GLRB: variants seen among roughly 807,000 people sequenced by gnomAD.
GLRB encodes glycine receptor subunit beta.
A neutral mutation model predicts 54.2 loss-of-function variants in GLRB; 33 were observed. The observed-to-expected ratio is 0.61, with a 90% CI of 0.46 to 0.81. The LOEUF (loss-of-function observed/expected upper bound fraction) is 0.81. GLRB is among the 40% of genes least tolerant of loss of function. GLRB has a pLI of 0.00. For missense variants in GLRB, 572 were observed against 584.6 expected (o/e 0.98, Z 0.22); for synonymous variants, 209 against 208.2 (o/e 1.00, Z -0.03).
rs144873205 is a variant in GLRB, at chr4:157,078,144, A to G, written c.120A>G (p.Pro40=). 1.7e-5 allele frequency: 28 copies of G among 1,612,310 alleles called. No homozygotes were observed. The African/African-American group carries it at 3.3e-4, about 19-fold the overall frequency. The change falls in exon 2 of 10, where the codon CCA becomes CCG. Residue 40 remains proline (P), a splice_region_variant and synonymous_variant. Coordinates refer to ENST00000264428, the MANE Select transcript of GLRB (RefSeq NM_000824.5). ...GGAAAAAGAAGCAGTATCTATGCCCATCGTATGTTCTTCATGTCTTATATT... is the reference window on the plus strand; with the variant it reads ...GGAAAAAGAAGCAGTATCTATGCCCGTCGTATGTTCTTCATGTCTTATATT... ...GKGKKKQYLC[P]SQQSAEDLAR...
chr4:157,091,163 A>G (rs1425154856), intron 2 of GLRB, among the ~76,000 whole-genome samples: 1 of 152,184 alleles, frequency 6.6e-6, no homozygotes, highest in Non-Finnish European at 1.5e-5. Context: ...TGTAATTTTC[A>G]GGTAATGTTT....
intron 8 of GLRB, among the ~76,000 whole-genome samples, chr4:157,149,738 T>C (rs531259866): frequency 1.3e-5 from 2 of 152,232 alleles, no homozygotes; most frequent in Admixed American, 6.5e-5. Context: ...AGTTGGCATG[T>C]GTGCACTTGC....
rs58781142 is a variant in GLRB at position 157,149,193 on chromosome 4, G to A, written c.905-3525G>A. The stretch of plus-strand genomic sequence containing the variant: ...GTTCTAAAAGTTAGCAGACAACATA[G>A]AGCATAAAGTAATTACTTTAAATTG... On this transcript the variant is annotated intron_variant, in intron 8 of 9. Coordinates refer to ENST00000264428, the MANE Select transcript of GLRB (RefSeq NM_000824.5). 3.7e-3 allele frequency among the ~76,000 whole-genome samples: 556 copies of A among 152,104 alleles called. 5 individuals carry two copies. The highest frequency in any genetic ancestry group is 0.013 in the African/African-American group (527 of 41,522).
At chr4:157,127,965 T>C (rs1409539995) in intron 4 of GLRB, among the ~76,000 whole-genome samples, 1 of 151,904 alleles carries the variant, frequency 6.6e-6, no homozygotes, top group East Asian at 1.9e-4. Context: ...GTACATATGC[T>C]GATGAGCATT....
chr4:157,096,760 A>G lies in GLRB; in HGVS notation c.122+18614A>G, dbSNP rs76299425. Among the ~76,000 whole-genome samples, 244 of 152,338 alleles carry G rather than the reference A, an allele frequency of 1.6e-3. 5 individuals are homozygous for G. In the East Asian group the frequency reaches 0.042, roughly 26 times the overall value. On this transcript the variant is annotated intron_variant, in intron 2 of 9. Transcript: ENST00000264428. ...CTCTGTATTACAACTCATTTTACAC[A>G]TAAGATATTATATAAAGAGAAGCTG...
chr4:157,171,494 C>A lies in GLRB; in HGVS notation c.*766C>A, dbSNP rs959427321. On this transcript the variant is annotated 3_prime_UTR_variant, in exon 10 of 10. Coordinates refer to ENST00000264428, the MANE Select transcript of GLRB (RefSeq NM_000824.5). Reference sequence around the variant, plus strand: ...AACCTAAATGTATTTTCATGGATTTCATTTGTTGGTACATATTACACAAAA... The same window carrying A: ...AACCTAAATGTATTTTCATGGATTTAATTTGTTGGTACATATTACACAAAA... 1.3e-5 allele frequency: 2 copies of A among 152,202 alleles called. No individual in the cohort carries two copies. The highest frequency in any genetic ancestry group is 4.8e-5 in the African/African-American group (2 of 41,408). 9.4% of individuals were successfully genotyped at this position (152,202 alleles called of 1,614,324 possible). A position where few individuals can be genotyped will look rare whatever the true frequency, so the allele number is the denominator to read the frequency against.
intron 2 of GLRB, among the ~76,000 whole-genome samples, chr4:157,120,318 G>A (rs930554983): frequency 4.7e-5 from 7 of 150,012 alleles, no homozygotes; most frequent in Non-Finnish European, 1.0e-4. Context: ...CACCAGCATG[G>A]CACATGTATA....
At position 157,136,519 on chromosome 4, in the gene GLRB, G is replaced by A; in HGVS notation, c.348G>A (p.Leu116=). 1.2e-6 allele frequency: 2 copies of A among 1,613,234 alleles called. No homozygotes were observed. The highest frequency in any genetic ancestry group is 1.3e-5 in the African/African-American group (1 of 75,032). ...FLRQKWNDPR[L]KLPSDFRGSD... Reference sequence around the variant, plus strand: ...GACAAAAATGGAATGACCCCAGGCTGAAGCTCCCCAGTGATTTTAGGGGTT... The same window carrying A: ...GACAAAAATGGAATGACCCCAGGCTAAAGCTCCCCAGTGATTTTAGGGGTT... Residue 116 remains leucine (L), a synonymous_variant, in exon 5 of 10, where the codon CTG becomes CTA. Coordinates refer to ENST00000264428, the MANE Select transcript of GLRB (RefSeq NM_000824.5).
At chr4:157,128,497 G>T (rs1398165207) in intron 4 of GLRB, among the ~76,000 whole-genome samples, 1 of 151,816 alleles carries the variant, frequency 6.6e-6, no homozygotes, top group Non-Finnish European at 1.5e-5. Flanking sequence ...GAACTGAACT[G>T]TCAACATGAT....
intron 4 of GLRB, among the ~76,000 whole-genome samples, chr4:157,123,854 G>C (rs1444992239): frequency 6.6e-6 from 1 of 151,658 alleles, no homozygotes; most frequent in East Asian, 1.9e-4. Context: ...GCGTCTTATA[G>C]GAAACATCCC....
intron 7 of GLRB, among the ~76,000 whole-genome samples, chr4:157,142,150 A>G (rs556974156): frequency 2.0e-5 from 3 of 152,150 alleles, no homozygotes; most frequent in African/African-American, 7.2e-5. Context: ...TATTTTTGAA[A>G]TATTGCACAT....
At chr4:157,090,664 T>C (rs1334836700) in intron 2 of GLRB, among the ~76,000 whole-genome samples, 5 of 152,236 alleles carry the variant, frequency 3.3e-5, no homozygotes, top group Non-Finnish European at 7.3e-5. Context: ...TCAACTAGTC[T>C]GTCTTGCACT....
chr4:157,168,966 C>T (rs1737818469), intron 9 of GLRB, among the ~76,000 whole-genome samples: 1 of 152,044 alleles, frequency 6.6e-6, no homozygotes, highest in African/African-American at 2.4e-5. Context: ...CCTTTGAACA[C>T]TGCTATCTGG....
At position 157,171,090 on chromosome 4, in the gene GLRB, G is replaced by C. The variant is rs1401617603; in HGVS notation, c.*362G>C. ...ATCCTGCTATGGTCACCATTCTAAT[G>C]TATGTAGTATTTCAAATTTCCTTCC... is the stretch of plus-strand genomic sequence containing the variant. On this transcript the variant is annotated 3_prime_UTR_variant, in exon 10 of 10. Coordinates refer to ENST00000264428, the MANE Select transcript of GLRB (RefSeq NM_000824.5). 6.3e-6 allele frequency: 1 copy of C among 158,334 alleles called. No individual in the cohort carries two copies. Among genetic ancestry groups the C allele is most frequent in the Non-Finnish European group, 1.4e-5 (1 of 72,038 alleles). The allele number at this position is 158,334 out of a possible 1,614,324, so 9.8% of individuals were successfully genotyped here. A position where few individuals can be genotyped will look rare whatever the true frequency, so the allele number is the denominator to read the frequency against.
intron 2 of GLRB, among the ~76,000 whole-genome samples, chr4:157,099,317 A>AT (rs1243332479): frequency 1.3e-5 from 2 of 151,634 alleles, no homozygotes; most frequent in African/African-American, 4.8e-5. Flanking sequence ...GTCTGGGGTC[A>AT]TTATGACTGA....
intron 9 of GLRB, among the ~76,000 whole-genome samples, chr4:157,154,548 C>T (rs1737153580): frequency 6.6e-6 from 1 of 151,548 alleles, no homozygotes; most frequent in African/African-American, 2.4e-5. Context: ...CTGCCTCAGC[C>T]TCCCGAGTAA....
At chr4:157,138,460 C>T (rs1003575305) in intron 6 of GLRB, among the ~76,000 whole-genome samples, 4 of 152,146 alleles carry the variant, frequency 2.6e-5, no homozygotes, top group Admixed American at 6.5e-5. Context: ...TAAATGTATA[C>T]GTTCAGAAAG....
At chr4:157,098,015 T>C (rs1052004974) in intron 2 of GLRB, among the ~76,000 whole-genome samples, 2 of 151,886 alleles carry the variant, frequency 1.3e-5, no homozygotes, top group African/African-American at 4.8e-5. Flanking sequence ...GAGTGAGACT[T>C]TGTCTCAAAA....
chr4:157,113,279 T>G (rs1422245052), intron 2 of GLRB, among the ~76,000 whole-genome samples: 1 of 151,958 alleles, frequency 6.6e-6, no homozygotes, highest in East Asian at 1.9e-4. Context: ...GGATTTGTAC[T>G]TGCTGGGCCA....
Sources: gnomAD v4.1 joint callset for allele counts (sites outside exome capture counted in the v4.1 genomes callset) on GRCh38, gnomAD v4.1.1 for gene constraint, MANE v1.5 for transcripts, NCBI Gene and HGNC (gene_info 2026-07-23, HGNC 2026-07-21) for gene names.